The following CADPS variants were observed in gnomAD, a reference collection of about 807,000 sequenced individuals.
CADPS encodes calcium dependent secretion activator.
In CADPS, 57 loss-of-function variants were observed where a neutral mutation model predicts 167.3. That is an observed-to-expected ratio of 0.34 (90% CI 0.28 to 0.42). The LOEUF (loss-of-function observed/expected upper bound fraction) is 0.42, where lower values mean the gene tolerates loss of function less well. Ranked by LOEUF, CADPS falls within the 20% of genes least tolerant of loss-of-function variation. The pLI, the probability that CADPS is intolerant of heterozygous loss-of-function variation, is 1.00. For synonymous variants in CADPS, 676 were observed against 635.3 expected (o/e 1.06, Z -0.96); for missense variants, 1,414 against 1,738.1 (o/e 0.81, Z 3.32).
At chr3:62,573,576 T>C (rs537071372) in intron 8 of CADPS, among the ~76,000 whole-genome samples, 7 of 152,368 alleles carry the variant, frequency 4.6e-5, no homozygotes, top group African/African-American at 1.4e-4. Flanking sequence ...CATTGTATTA[T>C]CTACATTGTG....
chr3:62,559,655 T>A (rs1321598903), intron 9 of CADPS, among the ~76,000 whole-genome samples: 1 of 152,066 alleles, frequency 6.6e-6, no homozygotes, highest in African/African-American at 2.4e-5. Context: ...CCACCATGTC[T>A]GGCTAATTTT....
At chr3:62,687,733 C>CTTT (rs2078322118) in intron 3 of CADPS, among the ~76,000 whole-genome samples, 2 of 68,974 alleles carry the variant, frequency 2.9e-5, no homozygotes, top group Admixed American at 2.1e-4. Flanking sequence ...GTTCCCTTCG[C>CTTT]ATTTTTTTTT....
chr3:62,746,144 C>T (rs1247140319), intron 3 of CADPS, among the ~76,000 whole-genome samples: 1 of 152,182 alleles, frequency 6.6e-6, no homozygotes, highest in Non-Finnish European at 1.5e-5. Context: ...TTATGCCCTA[C>T]TTTGGTCCCA....
chr3:62,590,479 C>A (rs2085704223), intron 7 of CADPS, among the ~76,000 whole-genome samples: 1 of 152,158 alleles, frequency 6.6e-6, no homozygotes, highest in South Asian at 2.1e-4. Flanking sequence ...TATTTTCTTT[C>A]ATCATCCCCT....
At chr3:62,627,130 T>TTGTGTGTGTGTG (rs10547515) in intron 6 of CADPS, among the ~76,000 whole-genome samples, 10 of 148,450 alleles carry the variant, frequency 6.7e-5, no homozygotes, top group African/African-American at 2.0e-4. Context: ...TACTTTCCAG[T>TTGTGTGTGTGTG]TGTGTGTGTG....
chr3:62,837,421 T>C (rs2076051617), intron 1 of CADPS, among the ~76,000 whole-genome samples: 2 of 152,186 alleles, frequency 1.3e-5, no homozygotes, highest in Admixed American at 6.5e-5. Flanking sequence ...GCATCAGCAA[T>C]GTGCCAGGGC....
At chr3:62,570,564 G>T (rs2081098720) in intron 9 of CADPS, among the ~76,000 whole-genome samples, 1 of 152,050 alleles carries the variant, frequency 6.6e-6, no homozygotes, top group African/African-American at 2.4e-5. Context: ...GGCAGGGGTG[G>T]GAGTCTACTC....
chr3:62,492,012 T>C (rs2151095848), intron 20 of CADPS, among the ~76,000 whole-genome samples: 1 of 152,218 alleles, frequency 6.6e-6, no homozygotes, highest in South Asian at 2.1e-4. Flanking sequence ...GTTAATTAAT[T>C]TGAGAGACAA....
chr3:62,749,429 G>C (rs1040052037), intron 3 of CADPS, among the ~76,000 whole-genome samples: 1 of 152,168 alleles, frequency 6.6e-6, no homozygotes, highest in African/African-American at 2.4e-5. Context: ...CCTAGGATAC[G>C]ATATGCGTAA....
chr3:62,681,218 C>T (rs1399181662), intron 3 of CADPS, among the ~76,000 whole-genome samples: 1 of 152,090 alleles, frequency 6.6e-6, no homozygotes, highest in African/African-American at 2.4e-5. Flanking sequence ...CATCCTTCTG[C>T]CCTAGGGCAG....
At chr3:62,510,842 G>T (rs1403046447) in intron 17 of CADPS, among the ~76,000 whole-genome samples, 1 of 151,880 alleles carries the variant, frequency 6.6e-6, no homozygotes, top group Admixed American at 6.6e-5. Flanking sequence ...GGAGGGAAGG[G>T]GTAAGAAAGA....
intron 28 of CADPS, among the ~76,000 whole-genome samples, chr3:62,416,869 CT>C (rs34433413): frequency 0.091 from 13,395 of 147,770 alleles, 625 homozygotes; most frequent in Non-Finnish European, 0.11. Flanking sequence ...CATTAATATA[CT>C]TTTTTTTTTT....
chr3:62,553,273 C>T (rs1176801454), intron 10 of CADPS, among the ~76,000 whole-genome samples: 1 of 152,170 alleles, frequency 6.6e-6, no homozygotes, highest in Non-Finnish European at 1.5e-5. Context: ...AAGTGGACAG[C>T]CCTCTCCACT....
intron 3 of CADPS, among the ~76,000 whole-genome samples, chr3:62,671,512 T>G (rs184890906): frequency 6.6e-6 from 1 of 152,230 alleles, no homozygotes; most frequent in African/African-American, 2.4e-5. Flanking sequence ...AGCTGTGCAG[T>G]CACCTCCTAA....
chr3:62,715,160 G>A (rs889505085), intron 3 of CADPS, among the ~76,000 whole-genome samples: 1 of 152,108 alleles, frequency 6.6e-6, no homozygotes, highest in Non-Finnish European at 1.5e-5. Flanking sequence ...AGAATGGGGG[G>A]TGCAAAGATG....
intron 1 of CADPS, among the ~76,000 whole-genome samples, chr3:62,774,770 T>C (rs974439719): frequency 5.3e-5 from 8 of 152,174 alleles, no homozygotes; most frequent in Non-Finnish European, 8.8e-5. Context: ...AATGCCGTTT[T>C]GGTTGAAGTA....
At chr3:62,667,330 G>A (rs1168639713) in intron 3 of CADPS, among the ~76,000 whole-genome samples, 2 of 151,906 alleles carry the variant, frequency 1.3e-5, no homozygotes, top group Non-Finnish European at 2.9e-5. Flanking sequence ...ATCAGACCAG[G>A]GTGGGGAACC....
At chr3:62,678,042 T>C (rs560364032) in intron 3 of CADPS, among the ~76,000 whole-genome samples, 1 of 152,066 alleles carries the variant, frequency 6.6e-6, no homozygotes, top group South Asian at 2.1e-4. Flanking sequence ...GCCTCCTTGT[T>C]CCAGGAGACA....
chr3:62,534,326 G>A (rs1052993861), intron 12 of CADPS, among the ~76,000 whole-genome samples: 1 of 152,206 alleles, frequency 6.6e-6, no homozygotes, highest in Non-Finnish European at 1.5e-5. Context: ...GAAGTACAGC[G>A]AGAGAGGCCT....
Sources: gnomAD v4.1 joint callset for allele counts (sites outside exome capture counted in the v4.1 genomes callset) on GRCh38, gnomAD v4.1.1 for gene constraint, MANE v1.5 for transcripts, NCBI Gene and HGNC (gene_info 2026-07-23, HGNC 2026-07-21) for gene names.